NPNT: variants seen among roughly 807,000 people sequenced by gnomAD.
The protein encoded by NPNT is preosteoblast EGF-like repeat protein with MAM domain.
In NPNT, 45 loss-of-function variants were observed where a neutral mutation model predicts 68.6. That is an observed-to-expected ratio of 0.66 (90% confidence interval 0.52 to 0.84). The LOEUF (loss-of-function observed/expected upper bound fraction) is 0.84. Among genes scored for constraint, NPNT ranks in the 40% least tolerant of loss-of-function variants. NPNT has a pLI of 0.00. For synonymous variants in NPNT, 233 were observed against 253.3 expected (o/e 0.92, Z 0.76); for missense variants, 672 against 714.8 (o/e 0.94, Z 0.68).
intron 2 of NPNT, among the ~76,000 whole-genome samples, chr4:105,910,847 A>C (rs1415382009): frequency 2.0e-5 from 3 of 152,180 alleles, no homozygotes; most frequent in Non-Finnish European, 4.4e-5. Flanking sequence ...AAAATAGACT[A>C]TACAAAACTG....
At chr4:105,946,461 A>T (rs1360258060) in intron 8 of NPNT, among the ~76,000 whole-genome samples, 3 of 152,188 alleles carry the variant, frequency 2.0e-5, no homozygotes, top group Admixed American at 6.5e-5. Flanking sequence ...ACCCGCCCCC[A>T]ATATTTTAAC....
At chr4:105,897,790 T>C in intron 1 of NPNT, 111 bp from the exon 2 acceptor site, 1 of 786,750 alleles carries the variant, frequency 1.3e-6, no homozygotes. Context: ...TAAAAGAGTT[T>C]GTAGAAAATT....
chr4:105,960,403 T>C (rs1245529305), intron 10 of NPNT, among the ~76,000 whole-genome samples: 1 of 152,228 alleles, frequency 6.6e-6, no homozygotes, highest in African/African-American at 2.4e-5. Flanking sequence ...CAGATTTTCA[T>C]GCATTTCTAG....
At chr4:105,959,270 T>C in intron 10 of NPNT, 144 bp downstream of exon 10, 1 of 578,180 alleles carries the variant, frequency 1.7e-6, no homozygotes. Flanking sequence ...GCCTAGCATT[T>C]ATATTTCATT....
At chr4:105,905,508 C>A (rs1055201848) in intron 2 of NPNT, among the ~76,000 whole-genome samples, 1 of 152,122 alleles carries the variant, frequency 6.6e-6, no homozygotes, top group Non-Finnish European at 1.5e-5. Flanking sequence ...GCATGAAGTA[C>A]AAACGGTTCT....
At chr4:105,943,019 C>T (rs893068808) in intron 8 of NPNT, among the ~76,000 whole-genome samples, 2 of 152,182 alleles carry the variant, frequency 1.3e-5, no homozygotes, top group African/African-American at 4.8e-5. Context: ...GTATTCCATG[C>T]TATGTTACTT....
chr4:105,904,197 G>A (rs745748210), intron 2 of NPNT, among the ~76,000 whole-genome samples: 3 of 152,062 alleles, frequency 2.0e-5, no homozygotes, highest in Non-Finnish European at 4.4e-5. Context: ...GCTAACACAA[G>A]CAATTCTAAA....
At chr4:105,963,010 AG>A (rs1363761756) in intron 10 of NPNT, among the ~76,000 whole-genome samples, 1 of 152,084 alleles carries the variant, frequency 6.6e-6, no homozygotes, top group East Asian at 1.9e-4. Flanking sequence ...GGATCACCTG[AG>A]GTCAGGAGTT....
At chr4:105,967,541 A>G (rs4407509) in intron 11 of NPNT, 97 bp downstream of exon 11, 1 of 1,281,858 alleles carries the variant, frequency 7.8e-7, no homozygotes, top group Non-Finnish European at 1.1e-6. Context: ...GTGTGAATTC[A>G]GGCTCAGATA....
Position 105,970,758 on chromosome 4 carries a change from A to C in NPNT, c.*1768A>C. Reference sequence around the variant, plus strand: ...CCAAGGAAAAGTAACAAATTATAGAATTTCCCAAAAGATGTTTTGATCCTA... The same window carrying C: ...CCAAGGAAAAGTAACAAATTATAGACTTTCCCAAAAGATGTTTTGATCCTA... On this transcript the variant is annotated 3_prime_UTR_variant, in exon 12 of 12. Coordinates refer to ENST00000379987, the MANE Select transcript of NPNT (RefSeq NM_001033047.3). The C allele has an allele frequency of 2.7e-6, 1 of 370,640 alleles. No homozygotes were observed. Among genetic ancestry groups the C allele is most frequent in the Non-Finnish European group, 5.2e-6 (1 of 193,166 alleles). 23.0% of individuals were successfully genotyped at this position (370,640 alleles called of 1,614,324 possible). A position where few individuals can be genotyped will look rare whatever the true frequency, so the allele number is the denominator to read the frequency against.
chr4:105,953,688 T>C (rs2149393714), intron 8 of NPNT, among the ~76,000 whole-genome samples: 1 of 152,332 alleles, frequency 6.6e-6, no homozygotes, highest in South Asian at 2.1e-4. Flanking sequence ...TCTAAAAGCC[T>C]CTAGGTTTTG....
At chr4:105,898,119 T>A (rs1038686388) in intron 2 of NPNT, 118 bp downstream of exon 2, 2 of 654,082 alleles carry the variant, frequency 3.1e-6, no homozygotes, top group African/African-American at 3.7e-5. Flanking sequence ...CTTGCAGGTC[T>A]GACTTGGGGA....
chr4:105,900,874 T>A (rs577234099), intron 2 of NPNT, among the ~76,000 whole-genome samples: 1 of 151,646 alleles, frequency 6.6e-6, no homozygotes, highest in African/African-American at 2.4e-5. Context: ...TTTTGTGTTC[T>A]TGACTCTTAA....
intron 2 of NPNT, among the ~76,000 whole-genome samples, chr4:105,904,212 C>T (rs1726681171): frequency 6.6e-6 from 1 of 152,170 alleles, no homozygotes; most frequent in Non-Finnish European, 1.5e-5. Context: ...TCTAAAAAAA[C>T]TTTGAACATA....
chr4:105,961,697 A>T, intron 10 of NPNT, among the ~76,000 whole-genome samples: 1 of 152,210 alleles, frequency 6.6e-6, no homozygotes, highest in East Asian at 1.9e-4. Context: ...TCGTTATTGG[A>T]CCGTGTTAGT....
At chr4:105,914,620 G>A (rs1309058373) in intron 2 of NPNT, among the ~76,000 whole-genome samples, 1 of 151,172 alleles carries the variant, frequency 6.6e-6, no homozygotes, top group African/African-American at 2.4e-5. Context: ...ACAGAGGAAG[G>A]CAATACTGGG....
In NPNT at chr4:105,895,567, T is replaced by G; in HGVS notation, c.-86T>G. On this transcript the variant is annotated 5_prime_UTR_variant, in exon 1 of 12. Transcript: ENST00000379987. Reference sequence around the variant, plus strand: ...GAGGGCTGGGGGTTCCTCGAGACTCTCAGAGGGGCGCCTCCCATCGGCGCC... The same window carrying G: ...GAGGGCTGGGGGTTCCTCGAGACTCGCAGAGGGGCGCCTCCCATCGGCGCC... 1 of 1,138,598 alleles carries G rather than the reference T, an allele frequency of 8.8e-7. No individual in the cohort carries two copies. Among genetic ancestry groups the G allele is most frequent in the Non-Finnish European group, 1.3e-6 (1 of 785,856 alleles). The allele number at this position is 1,138,598 out of a possible 1,614,324, so 70.5% of individuals were successfully genotyped here. A position where few individuals can be genotyped will look rare whatever the true frequency, so the allele number is the denominator to read the frequency against.
intron 2 of NPNT, among the ~76,000 whole-genome samples, chr4:105,899,495 A>G (rs900494641): frequency 6.6e-6 from 1 of 152,206 alleles, no homozygotes; most frequent in Non-Finnish European, 1.5e-5. Context: ...GTGAGTGTAC[A>G]GCAGCTTTGC....
chr4:105,950,920 G>A (rs916154855), intron 8 of NPNT, among the ~76,000 whole-genome samples: 4 of 152,202 alleles, frequency 2.6e-5, no homozygotes, highest in Admixed American at 1.3e-4. Flanking sequence ...ACTGTGCCTG[G>A]CTGTTCTCAG....
Sources: gnomAD v4.1 joint callset for allele counts (sites outside exome capture counted in the v4.1 genomes callset) on GRCh38, gnomAD v4.1.1 for gene constraint, MANE v1.5 for transcripts, NCBI Gene and HGNC (gene_info 2026-07-23, HGNC 2026-07-21) for gene names.